The following TTC29 variants were observed in gnomAD, a reference collection of about 807,000 sequenced individuals.
TTC29 encodes tetratricopeptide repeat domain 29, also known as tetratricopeptide repeat protein 29.
A neutral mutation model predicts 58.1 loss-of-function variants in TTC29; 49 were observed. That is an observed-to-expected ratio of 0.84 (90% CI 0.67 to 1.07). The LOEUF (loss-of-function observed/expected upper bound fraction) is 1.07, where lower values mean the gene tolerates loss of function less well. Among genes scored for constraint, TTC29 ranks in the 50% least tolerant of loss-of-function variants. The pLI, the probability that TTC29 is intolerant of heterozygous loss-of-function variation, is 0.00. For missense variants in TTC29, 582 were observed against 555.6 expected (o/e 1.05, Z -0.48); for synonymous variants, 209 against 196.8 (o/e 1.06, Z -0.52).
intron 8 of TTC29, among the ~76,000 whole-genome samples, chr4:146,842,248 T>A (rs1277678071): frequency 6.6e-6 from 1 of 152,062 alleles, no homozygotes; most frequent in Non-Finnish European, 1.5e-5. Context: ...TATTTCCTAG[T>A]GAGGCTAGCC....
At chr4:146,912,481 C>T (rs192792365) in intron 4 of TTC29, among the ~76,000 whole-genome samples, 11 of 152,148 alleles carry the variant, frequency 7.2e-5, no homozygotes, top group African/African-American at 2.2e-4. Context: ...CCGAGTAGTG[C>T]GCTGCTGTTT....
intron 11 of TTC29, among the ~76,000 whole-genome samples, chr4:146,754,859 G>T (rs1191674466): frequency 2.6e-5 from 4 of 151,846 alleles, no homozygotes; most frequent in African/African-American, 9.7e-5. Context: ...GATGCCCATT[G>T]TTACCACTTC....
intron 4 of TTC29, among the ~76,000 whole-genome samples, chr4:146,919,100 T>C (rs1008994928): frequency 6.6e-6 from 1 of 151,136 alleles, no homozygotes; most frequent in African/African-American, 2.4e-5. Context: ...TTATACAAAA[T>C]AATTTGTGTA....
chr4:146,815,115 A>G (rs1482874908), intron 10 of TTC29, among the ~76,000 whole-genome samples: 1 of 152,182 alleles, frequency 6.6e-6, no homozygotes, highest in African/African-American at 2.4e-5. Context: ...TTTACATTTT[A>G]AAATAATTAC....
At chr4:146,832,467 C>T (rs1728227991) in intron 9 of TTC29, among the ~76,000 whole-genome samples, 1 of 152,072 alleles carries the variant, frequency 6.6e-6, no homozygotes, top group African/African-American at 2.4e-5. Context: ...CTTGGGTAAA[C>T]ACCCATACTC....
chr4:146,876,216 C>T (rs746181454), intron 6 of TTC29, among the ~76,000 whole-genome samples: 119 of 152,126 alleles, frequency 7.8e-4, no homozygotes, highest in Non-Finnish European at 1.3e-3. Flanking sequence ...CATGCATGTA[C>T]AATTATATGT....
intron 11 of TTC29, among the ~76,000 whole-genome samples, chr4:146,722,284 C>A (rs556565771): frequency 6.6e-6 from 1 of 152,174 alleles, no homozygotes; most frequent in South Asian, 2.1e-4. Flanking sequence ...ATCAAGCTAC[C>A]AACATCATTT....
intron 11 of TTC29, among the ~76,000 whole-genome samples, chr4:146,784,996 G>T (rs1322823473): frequency 6.6e-6 from 1 of 152,086 alleles, no homozygotes; most frequent in Non-Finnish European, 1.5e-5. Flanking sequence ...TATAGTAAGA[G>T]GCTATTGAGT....
intron 6 of TTC29, among the ~76,000 whole-genome samples, chr4:146,890,949 C>T (rs1266730575): frequency 6.6e-6 from 1 of 151,954 alleles, no homozygotes; most frequent in Non-Finnish European, 1.5e-5. Context: ...TTGGAAGAGA[C>T]ATAATATCAA....
At chr4:146,778,999 A>AAAAAC (rs1748355263) in intron 11 of TTC29, among the ~76,000 whole-genome samples, 3 of 78,238 alleles carry the variant, frequency 3.8e-5, no homozygotes, top group African/African-American at 2.1e-4. Context: ...AAAAAAAAAA[A>AAAAAC]AAAAGAAAAG....
intron 11 of TTC29, among the ~76,000 whole-genome samples, chr4:146,781,633 T>C (rs994729229): frequency 2.6e-5 from 4 of 151,996 alleles, no homozygotes; most frequent in African/African-American, 7.2e-5. Context: ...ACTCACTATA[T>C]GTTGAGGTCA....
intron 9 of TTC29, among the ~76,000 whole-genome samples, chr4:146,833,416 G>A (rs1728297371): frequency 6.6e-6 from 1 of 152,138 alleles, no homozygotes; most frequent in South Asian, 2.1e-4. Context: ...CATGACTGAA[G>A]CATAAATGGA....
intron 11 of TTC29, among the ~76,000 whole-genome samples, chr4:146,781,441 T>C (rs1201828425): frequency 6.6e-6 from 1 of 151,936 alleles, no homozygotes; most frequent in African/African-American, 2.4e-5. Flanking sequence ...ACGATGAAAA[T>C]ATAGCCCAAC....
intron 4 of TTC29, among the ~76,000 whole-genome samples, chr4:146,911,347 C>T (rs941030986): frequency 3.9e-5 from 6 of 152,156 alleles, no homozygotes; most frequent in Admixed American, 3.9e-4. Flanking sequence ...TGCTCATGGG[C>T]TGCCCACTGG....
At chr4:146,857,090 T>C (rs1454236099) in intron 8 of TTC29, among the ~76,000 whole-genome samples, 1 of 152,074 alleles carries the variant, frequency 6.6e-6, no homozygotes, top group Non-Finnish European at 1.5e-5. Context: ...ATATAATAAT[T>C]CTGAATAAGA....
chr4:146,717,012 C>G (rs960695882), intron 11 of TTC29, among the ~76,000 whole-genome samples: 31 of 152,224 alleles, frequency 2.0e-4, no homozygotes, highest in African/African-American at 7.2e-4. Context: ...CACTTCAGAC[C>G]TAGTAACACA....
intron 11 of TTC29, among the ~76,000 whole-genome samples, chr4:146,719,440 C>A (rs1358140547): frequency 1.3e-5 from 2 of 152,072 alleles, no homozygotes; most frequent in Admixed American, 1.3e-4. Flanking sequence ...TAAATCCATC[C>A]TCATAGCTTC....
intron 6 of TTC29, among the ~76,000 whole-genome samples, 156 bp downstream of exon 6, chr4:146,903,388 T>C (rs563587783): frequency 9.9e-5 from 15 of 152,186 alleles, no homozygotes; most frequent in Middle Eastern, 3.4e-3. Context: ...TGAAGCTGGG[T>C]CCACAAGTCA....
intron 8 of TTC29, among the ~76,000 whole-genome samples, chr4:146,837,551 TGCTTAAA>T (rs1450803033): frequency 6.6e-6 from 1 of 152,138 alleles, no homozygotes. Flanking sequence ...CAACTTTATC[TGCTTAAA>T]GCAGGTAAGG....
Sources: allele counts gnomAD v4.1 joint callset (sites outside exome capture counted in the v4.1 genomes callset), GRCh38; gene constraint gnomAD v4.1.1; transcripts MANE v1.5; gene names NCBI Gene and HGNC (gene_info 2026-07-23, HGNC 2026-07-21).